Variants in ROBO1 observed in about 807,000 individuals in gnomAD.
ROBO1 encodes the protein roundabout homolog 1.
In ROBO1, 149 loss-of-function variants were observed where a neutral mutation model predicts 195.9. The observed-to-expected ratio is 0.76, with a 90% confidence interval of 0.67 to 0.87. ROBO1 has a LOEUF of 0.87. Ranked by LOEUF, ROBO1 falls within the 40% of genes least tolerant of loss-of-function variation. The pLI is 0.00. For synonymous variants in ROBO1, 816 were observed against 733.2 expected (o/e 1.11, Z -1.82); for missense variants, 1,933 against 2,068.3 (o/e 0.93, Z 1.27).
intron 5 of ROBO1, among the ~76,000 whole-genome samples, chr3:78,725,653 C>G (rs1374291154): frequency 1.3e-5 from 2 of 152,168 alleles, no homozygotes; most frequent in Non-Finnish European, 2.9e-5. Context: ...AAACTAGCAT[C>G]AGTATTCTTA....
chr3:79,084,424 G>T (rs918532580), intron 3 of ROBO1, among the ~76,000 whole-genome samples: 11 of 152,192 alleles, frequency 7.2e-5, no homozygotes, highest in Admixed American at 1.3e-4. Context: ...CATGAACCCA[G>T]GAGGCAGAGG....
intron 4 of ROBO1, among the ~76,000 whole-genome samples, chr3:78,752,737 A>G (rs2082828682): frequency 6.6e-6 from 1 of 152,178 alleles, no homozygotes; most frequent in African/African-American, 2.4e-5. Flanking sequence ...CCATCTTACA[A>G]CACCATCTTC....
At chr3:78,666,610 A>AGCT (rs1707753065) in intron 14 of ROBO1, among the ~76,000 whole-genome samples, 1 of 152,160 alleles carries the variant, frequency 6.6e-6, no homozygotes, top group African/African-American at 2.4e-5. Flanking sequence ...AGTATAGTAA[A>AGCT]GCTCCTGGAG....
intron 1 of ROBO1, among the ~76,000 whole-genome samples, chr3:79,741,043 G>T (rs542858483): frequency 4.7e-4 from 72 of 152,210 alleles, no homozygotes; most frequent in African/African-American, 1.5e-3. Flanking sequence ...TTTTGAGTTG[G>T]CCATAAGACT....
At position 79,258,859 on chromosome 3, in the gene ROBO1, T is replaced by C. The variant is rs116808728; in HGVS notation, c.89-133320A>G. Among the ~76,000 whole-genome samples the C allele has an allele frequency of 5.4e-3, 815 of 152,174 alleles. 7 individuals are homozygous for C. The highest frequency in any genetic ancestry group is 0.019 in the African/African-American group (775 of 41,560). On this transcript the variant is annotated intron_variant, in intron 2 of 30. Transcript: ENST00000464233. ...ACAATATTGGGCAACCCTATTAGGG[T>C]TGCCTAATTAGGCTATTGCCTAGAA...
At chr3:79,030,680 C>T (rs2078279404) in intron 3 of ROBO1, among the ~76,000 whole-genome samples, 1 of 152,102 alleles carries the variant, frequency 6.6e-6, no homozygotes, top group Non-Finnish European at 1.5e-5. Flanking sequence ...AATATGTTGT[C>T]ATCTAGAGCT....
At chr3:78,614,589 G>T in intron 28 of ROBO1, 59 bp downstream of exon 28, 1 of 1,576,004 alleles carries the variant, frequency 6.3e-7, no homozygotes. Context: ...GCTAGTCCTA[G>T]AGAGGCAGGG....
intron 2 of ROBO1, among the ~76,000 whole-genome samples, chr3:79,192,607 T>C (rs534371058): frequency 6.4e-4 from 97 of 151,432 alleles, no homozygotes; most frequent in Middle Eastern, 3.4e-3. Context: ...AGAACAGCAG[T>C]GGGAATGGCA....
rs139107494 is a variant in ROBO1, at chr3:79,500,739, C to T, written c.88+89085G>A. Among the ~76,000 whole-genome samples the T allele has an allele frequency of 1.8e-4, 27 of 152,262 alleles. No homozygotes were observed. The East Asian group carries it at 3.7e-3, about 21-fold the overall frequency. ...ACATAAGCTTGAGAAGCTCTGGGTG[C>T]TTTCCATACTTGCCTACTTACCACT... is the stretch of plus-strand genomic sequence containing the variant. On this transcript the variant is annotated intron_variant, in intron 2 of 30. Coordinates refer to ENST00000464233, the MANE Select transcript of ROBO1 (RefSeq NM_002941.4).
chr3:78,818,744 C>G (rs2030472947), intron 4 of ROBO1, among the ~76,000 whole-genome samples: 1 of 152,150 alleles, frequency 6.6e-6, no homozygotes, highest in South Asian at 2.1e-4. Flanking sequence ...GCCTTGGCTT[C>G]CGGGATGGTC....
At position 78,662,158 on chromosome 3, in the gene ROBO1, A is replaced by C. The variant is rs768852865; in HGVS notation, c.1967-44T>G. The C allele has an allele frequency of 7.8e-6, 12 of 1,537,628 alleles. No homozygotes were observed. In the South Asian group the frequency reaches 1.3e-4, roughly 17 times the overall value. Reference sequence around the variant, plus strand: ...ACTGTGTCAGGGTCTGCACAACGTTACTGAACGGAATGAAAGCATGGTGAA... The same window carrying C: ...ACTGTGTCAGGGTCTGCACAACGTTCCTGAACGGAATGAAAGCATGGTGAA... On this transcript the variant is annotated intron_variant, in intron 14 of 30. Coordinates refer to ENST00000464233, the MANE Select transcript of ROBO1 (RefSeq NM_002941.4).
intron 1 of ROBO1, among the ~76,000 whole-genome samples, chr3:79,697,051 A>G (rs1327118282): frequency 6.6e-6 from 1 of 151,452 alleles, no homozygotes; most frequent in African/African-American, 2.4e-5. Flanking sequence ...AATAAAGGAA[A>G]AGAAAGGTAG....
intron 2 of ROBO1, among the ~76,000 whole-genome samples, chr3:79,574,320 C>T (rs1025076396): frequency 6.6e-6 from 1 of 151,938 alleles, no homozygotes; most frequent in Non-Finnish European, 1.5e-5. Flanking sequence ...GTCCACATTA[C>T]TATCTGTTTG....
intron 5 of ROBO1, among the ~76,000 whole-genome samples, chr3:78,736,168 G>A (rs1400779063): frequency 6.6e-6 from 1 of 152,036 alleles, no homozygotes; most frequent in African/African-American, 2.4e-5. Context: ...ATTGTATGTG[G>A]AAATAAAATT....
Position 79,062,240 on chromosome 3 carries a change from T to C in ROBO1, c.172+63216A>G, listed in dbSNP as rs2078932522. On this transcript the variant is annotated intron_variant, in intron 3 of 30. Coordinates refer to ENST00000464233, the MANE Select transcript of ROBO1 (RefSeq NM_002941.4). ...GACATTTATGCAGCCCACAGACATA[T>C]GAAAAAATGCTCATCATCACTGGTC... is the stretch of plus-strand genomic sequence containing the variant. Among the ~76,000 whole-genome samples, 6 of 152,160 alleles carry C rather than the reference T, an allele frequency of 3.9e-5. No homozygotes were observed. The South Asian group carries it at 1.2e-3, about 32-fold the overall frequency.
intron 3 of ROBO1, among the ~76,000 whole-genome samples, chr3:78,963,007 T>C (rs1425202658): frequency 2.0e-5 from 3 of 151,796 alleles, no homozygotes; most frequent in African/African-American, 4.8e-5. Context: ...ATAACAGCAA[T>C]GCAGGCACTC....
intron 4 of ROBO1, among the ~76,000 whole-genome samples, chr3:78,810,951 C>T (rs775817921): frequency 1.3e-5 from 2 of 152,136 alleles, no homozygotes; most frequent in African/African-American, 2.4e-5. Flanking sequence ...AAGGACAAAA[C>T]TGGGAAGAAA....
intron 1 of ROBO1, among the ~76,000 whole-genome samples, chr3:79,653,124 A>C (rs7430830): frequency 0.56 from 84,545 of 151,484 alleles, 23,780 homozygotes; most frequent in South Asian, 0.67. Context: ...TCCATATCAC[A>C]AATAACTTAC....
In ROBO1 at chr3:78,711,333, TTCCTTCCTTCCTTCC is replaced by T. The variant is rs1194426767; in HGVS notation, c.1045+3049_1045+3063del. 2.8e-3 allele frequency among the ~76,000 whole-genome samples: 324 copies of T among 116,374 alleles called. 14 individuals carry two copies. The highest frequency in any genetic ancestry group is 0.012 in the African/African-American group (319 of 27,092). 76.3% of individuals were successfully genotyped at this position (116,374 alleles called of 152,430 possible). ...TTTCTTTCTCTCTCTCTCTCCTTCC[TTCCTTCCTTCCTTCC>T]TCCTTCCTTCCTTCCTTCCTTCCTT... On this transcript the variant is annotated intron_variant, in intron 8 of 30. Transcript: ENST00000464233.
Sources: allele counts gnomAD v4.1 joint callset (sites outside exome capture counted in the v4.1 genomes callset), GRCh38; gene constraint gnomAD v4.1.1; transcripts MANE v1.5; gene names NCBI Gene and HGNC (gene_info 2026-07-23, HGNC 2026-07-21).